COL4A1: variants seen among roughly 807,000 people sequenced by gnomAD.
COL4A1 encodes collagen type IV alpha 1 chain, also known as collagen alpha-1(IV) chain.
In COL4A1, 40 loss-of-function variants were observed where a neutral mutation model predicts 216.6. The observed-to-expected ratio is 0.18, with a 90% CI of 0.14 to 0.24. The LOEUF (loss-of-function observed/expected upper bound fraction) is 0.24. COL4A1 is among the 10% of genes least tolerant of loss of function. The pLI is 1.00. For synonymous variants in COL4A1, 839 were observed against 810.7 expected (o/e 1.03, Z -0.59); for missense variants, 1,628 against 2,196.8 (o/e 0.74, Z 5.18).
chr13:110,155,776 G>C lies in COL4A1; in HGVS notation c.4641-379C>G, dbSNP rs577750935. ...AAATACAAAAAATTAGCTGGGTGTG[G>C]TGGCACATGCCTGTAATCCCAGCTA... On this transcript the variant is annotated intron_variant, in intron 49 of 51. Transcript: ENST00000375820. Among the ~76,000 whole-genome samples the C allele has an allele frequency of 1.1e-3, 163 of 152,316 alleles. 1 individual carries two copies. The highest frequency in any genetic ancestry group is 3.6e-3 in the African/African-American group (151 of 41,572).
chr13:110,179,940 G>A (rs1437751519), intron 29 of COL4A1, among the ~76,000 whole-genome samples: 2 of 152,174 alleles, frequency 1.3e-5, no homozygotes, highest in African/African-American at 4.8e-5. Context: ...GATAGATACA[G>A]ATGATTAAAA....
intron 46 of COL4A1, among the ~76,000 whole-genome samples, chr13:110,164,037 G>A (rs1877217894): frequency 7.6e-6 from 1 of 131,774 alleles, no homozygotes; most frequent in Admixed American, 9.5e-5. Context: ...CACCCAGGCT[G>A]GAGTGCAGTG....
intron 1 of COL4A1, among the ~76,000 whole-genome samples, chr13:110,259,013 C>T (rs1426449363): frequency 3.2e-4 from 48 of 152,238 alleles, no homozygotes; most frequent in South Asian, 2.1e-4. Flanking sequence ...GGATCCTTTG[C>T]GGATGCAAAG....
In COL4A1 at chr13:110,174,732, C is replaced by T. The variant is rs188620231; in HGVS notation, c.3216G>A (p.Ala1072=). ...LRGEKGDQGI[A]GFPGSPGEKG... ...TCTCTCCAGGGCTTCCTGGGAAACC[C>T]GCTATCCCTTGATCTCCCTGCAAGT... The change falls in exon 38 of 52, where the codon GCG becomes GCA. Residue 1072 remains alanine, a synonymous_variant. Coordinates refer to ENST00000375820, the MANE Select transcript of COL4A1 (RefSeq NM_001845.6). 7.3e-5 allele frequency: 118 copies of T among 1,613,560 alleles called. No individual in the cohort carries two copies. The highest frequency in any genetic ancestry group is 5.7e-4 in the Admixed American group (34 of 60,008).
intron 2 of COL4A1, among the ~76,000 whole-genome samples, chr13:110,228,779 A>G (rs1880869675): frequency 6.6e-6 from 1 of 152,236 alleles, no homozygotes; most frequent in South Asian, 2.1e-4. Flanking sequence ...TAGTTAAGAA[A>G]GTCAGGCAAG....
intron 28 of COL4A1, 79 bp from the exon 29 acceptor site, chr13:110,181,468 T>C: frequency 7.2e-7 from 1 of 1,383,526 alleles, no homozygotes; most frequent in Non-Finnish European, 1.0e-6. Flanking sequence ...TCTTCACTTT[T>C]AGTCTTGCCC....
At chr13:110,202,334 GATTCTAAATTA>G (rs1478619162) in intron 18 of COL4A1, among the ~76,000 whole-genome samples, 8 of 151,812 alleles carry the variant, frequency 5.3e-5, no homozygotes, top group Admixed American at 2.0e-4. Context: ...CACTGGCCCT[GATTCTAAATTA>G]ATGGAATTCA....
At chr13:110,280,229 G>A (rs1883578525) in intron 1 of COL4A1, among the ~76,000 whole-genome samples, 1 of 152,206 alleles carries the variant, frequency 6.6e-6, no homozygotes, top group African/African-American at 2.4e-5. Context: ...GGAAGCCACT[G>A]ACGGTCCTTA....
chr13:110,168,295 G>A lies in COL4A1; in HGVS notation c.3877-1065C>T, dbSNP rs115060228. Among the ~76,000 whole-genome samples the A allele has an allele frequency of 7.4e-3, 1,120 of 152,320 alleles. 11 individuals are homozygous for A. Among genetic ancestry groups the A allele is most frequent in the African/African-American group, 0.023 (960 of 41,552 alleles). On this transcript the variant is annotated intron_variant, in intron 43 of 51. Transcript: ENST00000375820. ...CTCCCAAAGTGCTAGGATTACAGGC[G>A]TGAGCTACCAGGCCCAGCCGGGAAT...
intron 1 of COL4A1, among the ~76,000 whole-genome samples, chr13:110,260,875 A>G (rs1388277691): frequency 6.6e-6 from 1 of 151,492 alleles, no homozygotes; most frequent in East Asian, 1.9e-4. Flanking sequence ...GTCTCTACTA[A>G]AAATACAAAA....
chr13:110,271,667 G>A (rs915433335), intron 1 of COL4A1, among the ~76,000 whole-genome samples: 14 of 152,324 alleles, frequency 9.2e-5, no homozygotes, highest in African/African-American at 3.1e-4. Flanking sequence ...CCAGGGCGAT[G>A]TGACAGCTAA....
chr13:110,303,265 C>G (rs1430268142), intron 1 of COL4A1, among the ~76,000 whole-genome samples: 1 of 152,084 alleles, frequency 6.6e-6, no homozygotes, highest in Non-Finnish European at 1.5e-5. Flanking sequence ...AATCAGTCAT[C>G]CATGCCGCAA....
intron 1 of COL4A1, among the ~76,000 whole-genome samples, chr13:110,290,927 C>T (rs1594120986): frequency 6.6e-6 from 1 of 152,168 alleles, no homozygotes; most frequent in African/African-American, 2.4e-5. Context: ...GCAGGGGGGT[C>T]GCCGTGCAGT....
chr13:110,150,682 C>T (rs1452468242), intron 51 of COL4A1, among the ~76,000 whole-genome samples: 1 of 152,232 alleles, frequency 6.6e-6, no homozygotes, highest in African/African-American at 2.4e-5. Flanking sequence ...GCCCCAGTGC[C>T]CACAGCCCCA....
intron 1 of COL4A1, among the ~76,000 whole-genome samples, chr13:110,266,879 A>C (rs540193398): frequency 6.6e-6 from 1 of 152,366 alleles, no homozygotes; most frequent in Non-Finnish European, 1.5e-5. Flanking sequence ...AAAGCATGCC[A>C]GCGTTTATTT....
intron 1 of COL4A1, among the ~76,000 whole-genome samples, chr13:110,247,110 A>T (rs1023216508): frequency 5.3e-5 from 8 of 152,188 alleles, no homozygotes; most frequent in Non-Finnish European, 1.2e-4. Flanking sequence ...ATACTCCTAA[A>T]ACTGTAGACA....
chr13:110,241,260 G>A (rs1201535448), intron 2 of COL4A1, among the ~76,000 whole-genome samples: 1 of 152,184 alleles, frequency 6.6e-6, no homozygotes, highest in African/African-American at 2.4e-5. Flanking sequence ...CCTGCCGGCT[G>A]GACAGAAGCA....
rs771853556 is a variant in COL4A1, at chr13:110,208,916, T to A, written c.652-26A>T. 4.8e-5 allele frequency: 77 copies of A among 1,612,176 alleles called. No individual in the cohort carries two copies. The East Asian group carries it at 1.6e-3, about 33-fold the overall frequency. On this transcript the variant is annotated intron_variant, in intron 11 of 51. Transcript: ENST00000375820. Reference sequence around the variant, plus strand: ...CTGTGGATTAAAAATTAGGCTCTCATTATTAGATTTGTCTACTTCGTTCAA... The same window carrying A: ...CTGTGGATTAAAAATTAGGCTCTCAATATTAGATTTGTCTACTTCGTTCAA...
intron 2 of COL4A1, among the ~76,000 whole-genome samples, chr13:110,221,873 T>G (rs1214440543): frequency 6.6e-6 from 1 of 152,224 alleles, no homozygotes; most frequent in Non-Finnish European, 1.5e-5. Context: ...TTCCAAAGGC[T>G]TGTGAACCTG....
Sources: gnomAD v4.1 joint callset for allele counts (sites outside exome capture counted in the v4.1 genomes callset) on GRCh38, gnomAD v4.1.1 for gene constraint, MANE v1.5 for transcripts, NCBI Gene and HGNC (gene_info 2026-07-23, HGNC 2026-07-21) for gene names.